The following RBM19 variants were observed in gnomAD, a reference collection of about 807,000 sequenced individuals.
RBM19 encodes RNA binding motif protein 19, also known as probable RNA-binding protein 19.
Under a neutral mutation model 116.8 loss-of-function variants are expected in RBM19, and 94 were observed. That is an observed-to-expected ratio of 0.80 (90% CI 0.68 to 0.95). The LOEUF is 0.95. RBM19 is among the 40% of genes least tolerant of loss of function. RBM19 has a pLI of 0.00. For missense variants in RBM19, 1,161 were observed against 1,220.7 expected (o/e 0.95, Z 0.73); for synonymous variants, 475 against 494.1 (o/e 0.96, Z 0.51).
At chr12:113,881,911 G>A (rs1880162221) in intron 21 of RBM19, among the ~76,000 whole-genome samples, 1 of 152,252 alleles carries the variant, frequency 6.6e-6, no homozygotes, top group South Asian at 2.1e-4. Context: ...CCTTCCTGCA[G>A]AGACGACCCA....
intron 21 of RBM19, among the ~76,000 whole-genome samples, chr12:113,911,128 C>T (rs992714120): frequency 1.3e-5 from 2 of 152,204 alleles, no homozygotes; most frequent in East Asian, 1.9e-4. Flanking sequence ...AGACTCTGGG[C>T]ACCTGCCGGG....
At chr12:113,870,942 T>C (rs1211106258) in intron 21 of RBM19, among the ~76,000 whole-genome samples, 2 of 152,164 alleles carry the variant, frequency 1.3e-5, no homozygotes, top group Non-Finnish European at 2.9e-5. Context: ...CCAGAGGGCA[T>C]CTCTATGACA....
rs559638275 is a variant in RBM19, at chr12:113,861,530, C to T, written c.2559-2634G>A. 3.1e-4 allele frequency among the ~76,000 whole-genome samples: 26 copies of T among 83,936 alleles called. No individual in the cohort carries two copies. The East Asian group carries it at 3.1e-3, about 10-fold the overall frequency. 55.1% of individuals were successfully genotyped at this position (83,936 alleles called of 152,430 possible). On this transcript the variant is annotated intron_variant, in intron 21 of 23. Transcript: ENST00000261741. ...TGTGTGTGTGAAGGAGAGAAGGGGTCGGGGGGTGGTGGTGTGAGAGAGAAA... is the reference window on the plus strand; with the variant it reads ...TGTGTGTGTGAAGGAGAGAAGGGGTTGGGGGGTGGTGGTGTGAGAGAGAAA...
intron 21 of RBM19, among the ~76,000 whole-genome samples, chr12:113,864,121 AGGTT>A (rs1246706930): frequency 6.6e-6 from 1 of 152,130 alleles, no homozygotes; most frequent in Non-Finnish European, 1.5e-5. Flanking sequence ...GACTTGCCCA[AGGTT>A]CCATGGGCAG....
chr12:113,926,986 G>A lies in RBM19; in HGVS notation c.2244+68C>T, dbSNP rs2135878371. On this transcript the variant is annotated intron_variant, in intron 17 of 23. Transcript: ENST00000261741. ...CATGTTTCAGGGCAGAATAAATGCAGTGGCCGTATCAGTAGACTGGGGTTT... is the reference window on the plus strand; with the variant it reads ...CATGTTTCAGGGCAGAATAAATGCAATGGCCGTATCAGTAGACTGGGGTTT... 2.0e-6 allele frequency: 3 copies of A among 1,500,060 alleles called. No homozygotes were observed. The East Asian group carries it at 6.8e-5, about 34-fold the overall frequency. The allele number at this position is 1,500,060 out of a possible 1,614,324, so 92.9% of individuals were successfully genotyped here. A position where few individuals can be genotyped will look rare whatever the true frequency, so the allele number is the denominator to read the frequency against.
chr12:113,836,605 T>C (rs1049036149), intron 23 of RBM19, among the ~76,000 whole-genome samples: 1 of 152,026 alleles, frequency 6.6e-6, no homozygotes, highest in Non-Finnish European at 1.5e-5. Flanking sequence ...TTACTGTAAC[T>C]GACTTGGAAG....
chr12:113,871,531 T>G (rs1048126856), intron 21 of RBM19, among the ~76,000 whole-genome samples: 3 of 152,242 alleles, frequency 2.0e-5, no homozygotes, highest in Non-Finnish European at 2.9e-5. Flanking sequence ...AAGCGGCCCC[T>G]GATGATATGT....
chr12:113,939,851 G>A, intron 15 of RBM19, 109 bp downstream of exon 15: 2 of 1,203,700 alleles, frequency 1.7e-6, no homozygotes, highest in Middle Eastern at 2.6e-4. Context: ...GGTTTAGGGT[G>A]AGCTCCCATG....
chr12:113,914,896 G>A, intron 21 of RBM19, 73 bp downstream of exon 21: 2 of 1,330,754 alleles, frequency 1.5e-6, no homozygotes, highest in Admixed American at 1.7e-5. Context: ...GGACCCAAAG[G>A]CCATCTTCCC....
intron 23 of RBM19, among the ~76,000 whole-genome samples, chr12:113,828,448 A>G (rs1316230349): frequency 2.0e-5 from 3 of 151,172 alleles, no homozygotes; most frequent in Non-Finnish European, 2.9e-5. Flanking sequence ...AGGATAGGCA[A>G]GGCTTCCACA....
intron 23 of RBM19, among the ~76,000 whole-genome samples, chr12:113,830,011 A>G (rs1277691393): frequency 6.6e-6 from 1 of 152,212 alleles, no homozygotes; most frequent in African/African-American, 2.4e-5. Flanking sequence ...TCATTGTCCC[A>G]CTTTTCAGAT....
At position 113,947,349 on chromosome 12, in the gene RBM19, G is replaced by C. The variant is rs140312414; in HGVS notation, c.1392C>G (p.Asp464Glu). The change falls in exon 11 of 24, where the codon GAC (aspartate) becomes GAG (glutamate). Residue 464 changes from aspartate (D) to glutamate (E), a missense_variant. Transcript: ENST00000261741. ...EHAVKAYSEV[D>E]GQVFQGRMLH... is the part of the protein sequence containing the mutation. Reference sequence around the variant, plus strand: ...GGGGCCTCACCTGGAATACCTGCCCGTCCACCTCCGAGTAGGCCTTCACAG... The same window carrying C: ...GGGGCCTCACCTGGAATACCTGCCCCTCCACCTCCGAGTAGGCCTTCACAG... 1.9e-6 allele frequency: 3 copies of C among 1,600,672 alleles called. No individual in the cohort carries two copies. Among genetic ancestry groups the C allele is most frequent in the Non-Finnish European group, 2.6e-6 (3 of 1,169,236 alleles).
chr12:113,962,115 G>A, intron 2 of RBM19, 117 bp downstream of exon 2: 1 of 1,281,950 alleles, frequency 7.8e-7, no homozygotes, highest in South Asian at 1.4e-5. Context: ...CGGTGAGGAA[G>A]AAAACCAAAG....
intron 21 of RBM19, among the ~76,000 whole-genome samples, chr12:113,872,366 CGG>C: frequency 6.7e-6 from 1 of 149,168 alleles, no homozygotes; most frequent in East Asian, 2.1e-4. Context: ...CCTCTCTGCC[CGG>C]CAGCCACCCC....
intron 21 of RBM19, among the ~76,000 whole-genome samples, chr12:113,886,804 C>G (rs4767155): frequency 2.6e-5 from 4 of 152,098 alleles, no homozygotes; most frequent in African/African-American, 9.7e-5. Flanking sequence ...CCATTAGTTC[C>G]AACTTTAACA....
chr12:113,940,520 C>T (rs1203928095), intron 14 of RBM19, among the ~76,000 whole-genome samples: 2 of 152,220 alleles, frequency 1.3e-5, no homozygotes, highest in Non-Finnish European at 2.9e-5. Flanking sequence ...CACCTGCTAC[C>T]ACGTGCAGCC....
At chr12:113,827,022 G>C (rs11066776) in intron 23 of RBM19, among the ~76,000 whole-genome samples, 1 of 152,034 alleles carries the variant, frequency 6.6e-6, no homozygotes, top group East Asian at 1.9e-4. Flanking sequence ...GTCAGGCCCC[G>C]AGTTCCCACC....
chr12:113,829,848 C>T (rs1875213762), intron 23 of RBM19, among the ~76,000 whole-genome samples: 1 of 152,224 alleles, frequency 6.6e-6, no homozygotes, highest in Admixed American at 6.5e-5. Flanking sequence ...GAGGCCACCC[C>T]AGAGGACAGG....
chr12:113,928,431 C>CACACAG (rs1261612331), intron 16 of RBM19, among the ~76,000 whole-genome samples: 3 of 151,106 alleles, frequency 2.0e-5, no homozygotes, highest in African/African-American at 7.3e-5. Flanking sequence ...CACACACACA[C>CACACAG]ACACACACAC....
Sources: gnomAD v4.1 joint callset for allele counts (sites outside exome capture counted in the v4.1 genomes callset) on GRCh38, gnomAD v4.1.1 for gene constraint, MANE v1.5 for transcripts, NCBI Gene and HGNC (gene_info 2026-07-23, HGNC 2026-07-21) for gene names.